The following ADGRL3 variants were observed in gnomAD, a reference collection of about 807,000 sequenced individuals.
ADGRL3 encodes the protein calcium-independent alpha-latrotoxin receptor 3.
A neutral mutation model predicts 153.5 loss-of-function variants in ADGRL3; 62 were observed. That is an observed-to-expected ratio of 0.40 (90% confidence interval 0.33 to 0.50). The LOEUF is 0.50. Among genes scored for constraint, ADGRL3 ranks in the 20% least tolerant of loss-of-function variants. The pLI, the probability that ADGRL3 is intolerant of heterozygous loss-of-function variation, is 0.47. For missense variants in ADGRL3, 1,641 were observed against 1,859.4 expected (o/e 0.88, Z 2.16); for synonymous variants, 710 against 672.5 (o/e 1.06, Z -0.86).
At chr4:61,844,575 A>AATATATGT (rs2098089174) in intron 9 of ADGRL3, among the ~76,000 whole-genome samples, 6 of 18,108 alleles carry the variant, frequency 3.3e-4, no homozygotes, top group Non-Finnish European at 4.2e-4. Context: ...AAAAAAAAAA[A>AATATATGT]ATATATATAT....
rs12648576 is a variant in ADGRL3, at chr4:61,909,765, G to C, written c.2073+20G>C. The C allele has an allele frequency of 1.7e-6, 1 of 572,040 alleles. No homozygotes were observed. The highest frequency in any genetic ancestry group is 2.2e-6 in the Non-Finnish European group (1 of 449,594). 35.4% of individuals were successfully genotyped at this position (572,040 alleles called of 1,614,324 possible). On this transcript the variant is annotated intron_variant, in intron 12 of 26. Transcript: ENST00000683033. The stretch of plus-strand genomic sequence containing the variant: ...AACAAGGTAAGGACCCTAATTATGT[G>C]TGTGTGTGTGTGTGTGTGTGTGTGT...
At chr4:61,976,049 G>T (rs1466905781) in intron 17 of ADGRL3, among the ~76,000 whole-genome samples, 2 of 152,054 alleles carry the variant, frequency 1.3e-5, no homozygotes, top group African/African-American at 4.8e-5. Context: ...ATAGAAGTGG[G>T]AATATAATCA....
chr4:61,841,309 C>CTTAT (rs59423663), intron 9 of ADGRL3, among the ~76,000 whole-genome samples: 2 of 151,994 alleles, frequency 1.3e-5, no homozygotes, highest in African/African-American at 4.8e-5. Context: ...TGGAGGCTCA[C>CTTAT]GTATTTGCAT....
intron 2 of ADGRL3, among the ~76,000 whole-genome samples, chr4:61,454,684 G>T (rs890571245): frequency 6.6e-6 from 1 of 151,162 alleles, no homozygotes; most frequent in Non-Finnish European, 1.5e-5. Flanking sequence ...AATATTACAT[G>T]ATATATATAT....
At chr4:61,440,295 G>A (rs1172998463) in intron 2 of ADGRL3, among the ~76,000 whole-genome samples, 1 of 152,110 alleles carries the variant, frequency 6.6e-6, no homozygotes. Flanking sequence ...TGATCCGCCT[G>A]CCTTGGCCTC....
chr4:62,029,195 CTCTGTGCCACATACGTCCGCTTT>C (rs1245374524), intron 22 of ADGRL3, among the ~76,000 whole-genome samples: 10 of 151,572 alleles, frequency 6.6e-5, no homozygotes, highest in Admixed American at 6.6e-5. Context: ...TGATGTGTTC[CTCTGTGCCACATACGTCCGCTTT>C]TCTGTTGTTT....
At chr4:61,871,242 C>A (rs1253569677) in intron 9 of ADGRL3, among the ~76,000 whole-genome samples, 1 of 151,038 alleles carries the variant, frequency 6.6e-6, no homozygotes, top group Non-Finnish European at 1.5e-5. Flanking sequence ...CGCACCACTG[C>A]ACTCCAGCCT....
At chr4:61,451,804 C>G (rs955194094) in intron 2 of ADGRL3, among the ~76,000 whole-genome samples, 1 of 152,074 alleles carries the variant, frequency 6.6e-6, no homozygotes, top group Admixed American at 6.6e-5. Context: ...ACTGCTTCAG[C>G]GGTATGGCAG....
chr4:61,301,349 A>G (rs543899716), intron 1 of ADGRL3, among the ~76,000 whole-genome samples: 27 of 152,350 alleles, frequency 1.8e-4, no homozygotes, highest in Non-Finnish European at 3.5e-4. Context: ...TATCACTTTA[A>G]GAAATATTGT....
Position 61,909,761 on chromosome 4 carries a change from A to ATGTG in ADGRL3, c.2073+54_2073+57dup, listed in dbSNP as rs58884223. The ATGTG allele has an allele frequency of 0.032, 36,912 of 1,169,558 alleles. 260 individuals are homozygous for ATGTG. Among genetic ancestry groups the ATGTG allele is most frequent in the East Asian group, 0.067 (2,232 of 33,410 alleles). The allele number at this position is 1,169,558 out of a possible 1,614,324, so 72.4% of individuals were successfully genotyped here. ...TTTGAACAAGGTAAGGACCCTAATT[A>ATGTG]TGTGTGTGTGTGTGTGTGTGTGTGT... On this transcript the variant is annotated intron_variant, in intron 12 of 26. Coordinates refer to ENST00000683033, the MANE Select transcript of ADGRL3 (RefSeq NM_001387552.1).
chr4:61,745,029 T>C (rs1463184107), intron 8 of ADGRL3, among the ~76,000 whole-genome samples: 2 of 152,164 alleles, frequency 1.3e-5, no homozygotes, highest in Admixed American at 6.5e-5. Context: ...AAGGAGCTGA[T>C]GGAGCTGAGA....
At chr4:61,282,713 A>G (rs528343152) in intron 1 of ADGRL3, among the ~76,000 whole-genome samples, 1 of 152,114 alleles carries the variant, frequency 6.6e-6, no homozygotes, top group African/African-American at 2.4e-5. Context: ...ATTGCCTAAA[A>G]TTGTTTACTG....
In ADGRL3 at chr4:62,076,046, G is replaced by A. The variant is rs777341245; in HGVS notation, c.*5138G>A. 28 of 151,978 alleles carry A rather than the reference G, an allele frequency of 1.8e-4. No homozygotes were observed. Among genetic ancestry groups the A allele is most frequent in the Non-Finnish European group, 3.5e-4 (24 of 67,968 alleles). 9.4% of individuals were successfully genotyped at this position (151,978 alleles called of 1,614,324 possible). A position where few individuals can be genotyped will look rare whatever the true frequency, so the allele number is the denominator to read the frequency against. ...CACACTCTGATTCCATTTATTTACA[G>A]CCTGCAGAAGAAGTAGCTTGTTTAC... is the stretch of plus-strand genomic sequence containing the variant. On this transcript the variant is annotated 3_prime_UTR_variant, in exon 27 of 27. Coordinates refer to ENST00000683033, the MANE Select transcript of ADGRL3 (RefSeq NM_001387552.1).
chr4:61,318,200 A>AG (rs1459046987), intron 1 of ADGRL3, among the ~76,000 whole-genome samples: 1 of 114,312 alleles, frequency 8.7e-6, no homozygotes, highest in East Asian at 2.7e-4. Context: ...TCTCAAAAAA[A>AG]AAAAAAAAAA....
chr4:61,956,334 C>T (rs968742428), intron 17 of ADGRL3, among the ~76,000 whole-genome samples: 17 of 146,686 alleles, frequency 1.2e-4, no homozygotes, highest in Non-Finnish European at 8.8e-5. Flanking sequence ...GCGTAAATGT[C>T]GTCTTTGGAG....
At chr4:61,464,423 C>A (rs988038042) in intron 2 of ADGRL3, among the ~76,000 whole-genome samples, 1 of 152,064 alleles carries the variant, frequency 6.6e-6, no homozygotes, top group Non-Finnish European at 1.5e-5. Context: ...AAATCAGGCT[C>A]CCTCAATTGA....
At chr4:61,783,047 T>G (rs1343019311) in intron 8 of ADGRL3, among the ~76,000 whole-genome samples, 1 of 152,174 alleles carries the variant, frequency 6.6e-6, no homozygotes, top group Admixed American at 6.5e-5. Flanking sequence ...CCTGGCATTA[T>G]CAGAAATTAA....
intron 6 of ADGRL3, among the ~76,000 whole-genome samples, chr4:61,716,353 A>G (rs2096115367): frequency 6.6e-6 from 1 of 152,118 alleles, no homozygotes; most frequent in Admixed American, 6.6e-5. Context: ...TATTAACATT[A>G]TCAATGTAGC....
chr4:61,210,983 G>A (rs6828860), intron 1 of ADGRL3, among the ~76,000 whole-genome samples: 3,250 of 152,178 alleles, frequency 0.021, 128 homozygotes, highest in African/African-American at 0.074. Flanking sequence ...TGAGGTTTAG[G>A]CAATTTCAAT....
Sources: gnomAD v4.1 joint callset for allele counts (sites outside exome capture counted in the v4.1 genomes callset) on GRCh38, gnomAD v4.1.1 for gene constraint, MANE v1.5 for transcripts, NCBI Gene and HGNC (gene_info 2026-07-23, HGNC 2026-07-21) for gene names.